The following CBFB variants were observed in gnomAD, a reference collection of about 807,000 sequenced individuals.
CBFB encodes the protein core-binding factor subunit beta, also known as CBF-beta.
A neutral mutation model predicts 30.4 loss-of-function variants in CBFB; 9 were observed. The ratio of observed to expected loss-of-function variants is 0.30; its 90% confidence interval spans 0.18 to 0.52. The LOEUF is 0.52. CBFB is among the 20% of genes least tolerant of loss of function. The probability of loss-of-function intolerance (pLI) is 0.97; values close to 1 mark genes in which losing one functional copy is unlikely to be tolerated. For missense variants in CBFB, 170 were observed against 244.0 expected, an observed-to-expected ratio of 0.70 and a Z score of 2.02; for synonymous variants, 94 against 84.0, an observed-to-expected ratio of 1.12 and a Z score of -0.65.
At chr16:67,054,219 T>C (rs1368756855) in intron 3 of CBFB, among the ~76,000 whole-genome samples, 2 of 152,148 alleles carry the variant, frequency 1.3e-5, no homozygotes, top group East Asian at 3.8e-4. Context: ...AGTTGTTGCA[T>C]ATTTGAAGTG....
intron 2 of CBFB, among the ~76,000 whole-genome samples, chr16:67,034,249 T>C (rs1477415581): frequency 6.6e-6 from 1 of 152,218 alleles, no homozygotes; most frequent in Non-Finnish European, 1.5e-5. Context: ...TAAAAACTAA[T>C]ACATATTTCT....
At chr16:67,082,129 G>GAAAAAAAAA in intron 4 of CBFB, 84 bp from the exon 5 acceptor site, 1 of 864,586 alleles carries the variant, frequency 1.2e-6, no homozygotes, top group Non-Finnish European at 1.6e-6. Context: ...ACTGTTTCAG[G>GAAAAAAAAA]AAAAAAAAAA....
intron 3 of CBFB, among the ~76,000 whole-genome samples, chr16:67,043,890 C>G (rs931779914): frequency 5.3e-5 from 8 of 152,172 alleles, no homozygotes; most frequent in African/African-American, 1.9e-4. Context: ...TGTTGGAACA[C>G]TACATCTTTC....
At chr16:67,063,657 G>C (rs1418077463) in intron 3 of CBFB, among the ~76,000 whole-genome samples, 1 of 152,094 alleles carries the variant, frequency 6.6e-6, no homozygotes, top group African/African-American at 2.4e-5. Context: ...TGTCCCAGCT[G>C]ATCTTGAACT....
chr16:67,046,461 T>G (rs1478216907), intron 3 of CBFB, among the ~76,000 whole-genome samples: 3 of 152,196 alleles, frequency 2.0e-5, no homozygotes, highest in African/African-American at 7.2e-5. Context: ...TCTGAAGATG[T>G]TAATTTCTTT....
chr16:67,044,321 T>C (rs1293086649), intron 3 of CBFB, among the ~76,000 whole-genome samples: 1 of 152,218 alleles, frequency 6.6e-6, no homozygotes, highest in Admixed American at 6.5e-5. Context: ...GTTCATTTTT[T>C]TCTGTGGAAA....
chr16:67,067,400 C>T (rs1961091383), intron 4 of CBFB, among the ~76,000 whole-genome samples: 1 of 152,042 alleles, frequency 6.6e-6, no homozygotes, highest in Non-Finnish European at 1.5e-5. Context: ...CACCTGTAAT[C>T]CCAGCTACTT....
At chr16:67,083,879 T>C (rs1358984345) in intron 5 of CBFB, among the ~76,000 whole-genome samples, 9 of 152,062 alleles carry the variant, frequency 5.9e-5, no homozygotes, top group Admixed American at 4.6e-4. Flanking sequence ...TTAAAAATTA[T>C]ATTCTAGGGC....
chr16:67,051,728 T>G (rs1392573123), intron 3 of CBFB, among the ~76,000 whole-genome samples: 1 of 151,476 alleles, frequency 6.6e-6, no homozygotes, highest in Non-Finnish European at 1.5e-5. Context: ...TTAAATGTAT[T>G]ATATGATTTT....
At chr16:67,052,603 A>G (rs1198530064) in intron 3 of CBFB, among the ~76,000 whole-genome samples, 2 of 151,922 alleles carry the variant, frequency 1.3e-5, no homozygotes, top group African/African-American at 2.4e-5. Flanking sequence ...CCTGCTAGAC[A>G]ATTTACAGTT....
chr16:67,080,665 C>T (rs1470360869), intron 4 of CBFB, among the ~76,000 whole-genome samples: 2 of 152,038 alleles, frequency 1.3e-5, no homozygotes, highest in Non-Finnish European at 2.9e-5. Context: ...TAATAATTTC[C>T]CTTGAGATTT....
At position 67,082,252 on chromosome 16, in the gene CBFB, C is replaced by T. The variant is rs1961582722; in HGVS notation, c.439C>T (p.Arg147Trp). Reference sequence around the variant, plus strand: ...AGCACAACAGGCCTTTGAAGAGGCTCGGAGAAGGACACGCGAATTTGAAGA... The same window carrying T: ...AGCACAACAGGCCTTTGAAGAGGCTTGGAGAAGGACACGCGAATTTGAAGA... Reference protein sequence around the residue: ...ALAQQAFEEARRRTREFEDRD... With the variant: ...ALAQQAFEEAWRRTREFEDRD... Residue 147 changes from arginine to tryptophan, a missense_variant, in exon 5 of 6, where the codon CGG (arginine) becomes TGG (tryptophan). Physicochemically the swap from Arg to Trp is moderately radical, Grantham distance 101. Coordinates refer to ENST00000412916, the MANE Select transcript of CBFB (RefSeq NM_022845.3). The T allele has an allele frequency of 6.2e-7, 1 of 1,610,044 alleles. No homozygotes were observed. Among genetic ancestry groups the T allele is most frequent in the South Asian group, 1.1e-5 (1 of 90,728 alleles).
chr16:67,086,761 A>G (rs1284431617), intron 5 of CBFB, among the ~76,000 whole-genome samples: 1 of 152,210 alleles, frequency 6.6e-6, no homozygotes, highest in Non-Finnish European at 1.5e-5. Flanking sequence ...GGACTGAGAA[A>G]TATATAGATG....
chr16:67,030,695 G>T (rs1253319090), intron 2 of CBFB, among the ~76,000 whole-genome samples: 2 of 152,156 alleles, frequency 1.3e-5, no homozygotes, highest in Non-Finnish European at 2.9e-5. Flanking sequence ...CGCCTCCTGG[G>T]TTCAAGCGAT....
At chr16:67,048,417 A>G (rs1966668930) in intron 3 of CBFB, among the ~76,000 whole-genome samples, 1 of 152,226 alleles carries the variant, frequency 6.6e-6, no homozygotes, top group South Asian at 2.1e-4. Context: ...GTTCTTCCTG[A>G]CACATATTCT....
At chr16:67,077,315 A>C (rs566430846) in intron 4 of CBFB, among the ~76,000 whole-genome samples, 20 of 152,334 alleles carry the variant, frequency 1.3e-4, no homozygotes, top group Non-Finnish European at 2.6e-4. Flanking sequence ...TTCTGTTTGA[A>C]GTACTTGATG....
intron 5 of CBFB, among the ~76,000 whole-genome samples, chr16:67,086,298 T>C: frequency 6.6e-6 from 1 of 152,250 alleles, no homozygotes; most frequent in East Asian, 1.9e-4. Context: ...AATGTTCTTT[T>C]CTGTCCGTCA....
At chr16:67,065,537 T>C (rs527316556) in intron 3 of CBFB, among the ~76,000 whole-genome samples, 10 of 152,318 alleles carry the variant, frequency 6.6e-5, no homozygotes, top group East Asian at 1.9e-4. Flanking sequence ...TATTCATTTT[T>C]TTATTTTTAT....
chr16:67,030,646 C>T (rs946820159), intron 2 of CBFB, among the ~76,000 whole-genome samples: 1 of 152,190 alleles, frequency 6.6e-6, no homozygotes, highest in African/African-American at 2.4e-5. Flanking sequence ...GTTGCCCAGG[C>T]TGGAGTACAG....
Sources: gnomAD v4.1 joint callset for allele counts (sites outside exome capture counted in the v4.1 genomes callset) on GRCh38, gnomAD v4.1.1 for gene constraint, MANE v1.5 for transcripts, NCBI Gene and HGNC (gene_info 2026-07-23, HGNC 2026-07-21) for gene names.